KRT78: variants seen among roughly 807,000 people sequenced by gnomAD.
The protein encoded by KRT78 is keratin, type II cytoskeletal 78.
KRT78 carries 55 observed loss-of-function variants against 51.4 expected under a neutral mutation model. That is an observed-to-expected ratio of 1.07 (90% CI 0.86 to 1.34). The LOEUF is 1.34. KRT78 is among the 40% of genes most tolerant of loss of function. The pLI is 0.00. For missense variants in KRT78, 652 were observed against 649.4 expected, an observed-to-expected ratio of 1.00 and a Z score of -0.04; for synonymous variants, 291 against 264.3, an observed-to-expected ratio of 1.10 and a Z score of -0.98.
chr12:52,848,299 G>A (rs1337383548), intron 1 of KRT78, 178 bp from the exon 2 acceptor site: 3 of 1,535,072 alleles, frequency 2.0e-6, no homozygotes, highest in African/African-American at 1.4e-5. Flanking sequence ...AAAATGACTG[G>A]ACTGACTAAT....
In KRT78 at chr12:52,839,288, C is replaced by T; in HGVS notation, c.1388G>A (p.Ser463Asn). ...AATGCTGGTGCAGCAGGACCCAGGGCTGCCTTTCCCACTACCGAGTCCACA... is the reference window on the plus strand; with the variant it reads ...AATGCTGGTGCAGCAGGACCCAGGGTTGCCTTTCCCACTACCGAGTCCACA... ...STCGLGSGKG[S>N]PGSCCTSIVT... Residue 463 changes from serine (S) to asparagine (N), a missense_variant, in exon 9 of 9, where the codon AGC becomes AAC. Ser to Asn is a conservative substitution (Grantham distance 46, BLOSUM62 1). Coordinates refer to ENST00000304620, the MANE Select transcript of KRT78 (RefSeq NM_173352.4). 6.2e-7 allele frequency: 1 copy of T among 1,613,362 alleles called. No homozygotes were observed. Among genetic ancestry groups the T allele is most frequent in the South Asian group, 1.1e-5 (1 of 90,872 alleles).
Position 52,848,079 on chromosome 12 carries a change from A to C in KRT78, c.427T>G (p.Trp143Gly). The change falls in exon 2 of 9, where the codon TGG (tryptophan) becomes GGG (glycine). Residue 143 changes from tryptophan to glycine, a missense_variant. Trp to Gly is a radical substitution (Grantham distance 184, BLOSUM62 -2). Coordinates refer to ENST00000304620, the MANE Select transcript of KRT78 (RefSeq NM_173352.4). Reference sequence around the variant, plus strand: ...AACCCCTGTTGCTGCAGCAGATGCCACTTCGTCTCCAGGACCTTGTTCTGC... The same window carrying C: ...AACCCCTGTTGCTGCAGCAGATGCCCCTTCGTCTCCAGGACCTTGTTCTGC... ...EQQNKVLETK[W>G]HLLQQQGLSG... is the part of the protein sequence containing the mutation. The C allele has an allele frequency of 6.2e-7, 1 of 1,614,154 alleles. No individual in the cohort carries two copies. Among genetic ancestry groups the C allele is most frequent in the Middle Eastern group, 1.6e-4 (1 of 6,062 alleles).
chr12:52,848,897 AG>A lies in KRT78; in HGVS notation c.33del (p.Phe12SerfsTer75). 6.3e-7 allele frequency: 1 copy of A among 1,589,260 alleles called. No homozygotes were observed. Among genetic ancestry groups the A allele is most frequent in the Non-Finnish European group, 8.6e-7 (1 of 1,168,984 alleles). On this transcript the variant is annotated frameshift_variant, in exon 1 of 9. Coordinates refer to ENST00000304620, the MANE Select transcript of KRT78 (RefSeq NM_173352.4). LOFTEE classifies it high-confidence loss of function. Reference protein sequence around the residue: MSLSPCRAQRGFSARSACSAR... With the variant: MSLSPCRAQRXFSARSACSAR... Reference sequence around the variant, plus strand: ...GCAGAACAGGCTGAGCGAGCGCTGAAGCCCCTCTGGGCCCGGCATGGGGAGA... The same window carrying A: ...GCAGAACAGGCTGAGCGAGCGCTGAACCCCTCTGGGCCCGGCATGGGGAGA...
At position 52,846,279 on chromosome 12, in the gene KRT78, AC is replaced by A; in HGVS notation, c.673del (p.Val225PhefsTer3). 5 of 1,611,366 alleles carry A rather than the reference AC, an allele frequency of 3.1e-6. No homozygotes were observed. Among genetic ancestry groups the A allele is most frequent in the Non-Finnish European group, 4.2e-6 (5 of 1,177,878 alleles). On this transcript the variant is annotated frameshift_variant, in exon 4 of 9. Transcript: ENST00000304620. LOFTEE classifies it high-confidence loss of function. ...FVVLKKDVDGVFLSKMELEGK... is the reference protein window; with the variant it reads ...FVVLKKDVDGXFLSKMELEGK... ...CTCCAACTCCATCTTGCTCAGGAAA[AC>A]CCCATCCACATCCTGGAGACAAGGG...
At chr12:52,843,688 C>CAAAAAA (rs1158055717) in intron 6 of KRT78, among the ~76,000 whole-genome samples, 3,368 of 62,112 alleles carry the variant, frequency 0.054, 171 homozygotes, top group African/African-American at 0.14. Context: ...GACTCTGTCT[C>CAAAAAA]AAAAAAAAAA....
At position 52,839,052 on chromosome 12, in the gene KRT78, G is replaced by C; in HGVS notation, c.*61C>G. 2 of 1,567,812 alleles carry C rather than the reference G, an allele frequency of 1.3e-6. No individual in the cohort carries two copies. Among genetic ancestry groups the C allele is most frequent in the Middle Eastern group, 1.9e-4 (1 of 5,226 alleles). On this transcript the variant is annotated 3_prime_UTR_variant, in exon 9 of 9. Coordinates refer to ENST00000304620, the MANE Select transcript of KRT78 (RefSeq NM_173352.4). ...CAGCGGACACGGAGTTGGCCTTGCA[G>C]AGCCGGCTGATGGGGGGAGTGGGCC...
intron 6 of KRT78, among the ~76,000 whole-genome samples, chr12:52,843,372 AAGAG>A (rs1359199552): frequency 6.2e-5 from 8 of 130,060 alleles, no homozygotes; most frequent in African/African-American, 1.7e-4. Flanking sequence ...TCTCAAAAAA[AAGAG>A]AGAGAGAGAG....
chr12:52,839,672 C>T, intron 7 of KRT78, 92 bp downstream of exon 7: 2 of 1,386,176 alleles, frequency 1.4e-6, no homozygotes. Context: ...CAGGAAATCT[C>T]TCAGAATCCT....
intron 6 of KRT78, among the ~76,000 whole-genome samples, chr12:52,842,959 G>GAGAGGAAGGA (rs1299063277): frequency 1.9e-5 from 1 of 53,722 alleles, no homozygotes; most frequent in Non-Finnish European, 3.2e-5. Context: ...GAGAGAGAGA[G>GAGAGGAAGGA]AGGAAGGAAG....
chr12:52,842,201 T>C (rs928030501), intron 6 of KRT78, among the ~76,000 whole-genome samples: 19 of 151,952 alleles, frequency 1.3e-4, no homozygotes, highest in African/African-American at 4.6e-4. Context: ...AGGGCTCTGC[T>C]TGGGAGTCAA....
intron 4 of KRT78, among the ~76,000 whole-genome samples, chr12:52,845,386 C>A (rs539493046): frequency 6.6e-6 from 1 of 152,262 alleles, no homozygotes; most frequent in South Asian, 2.1e-4. Flanking sequence ...TTTCCTCAGA[C>A]AGCACACTCC....
rs775890709 is a variant in KRT78, at chr12:52,848,692, G to A, written c.239C>T (p.Pro80Leu). Residue 80 changes from proline to leucine, a missense_variant, in exon 1 of 9, where the codon CCG becomes CTG. Physicochemically the swap from Pro to Leu is moderately conservative, Grantham distance 98. Coordinates refer to ENST00000304620, the MANE Select transcript of KRT78 (RefSeq NM_173352.4). Reference sequence around the variant, plus strand: ...GATGGTCACTTCTTGGATGCCCCCCGGAGGGCACAGGGAGAGCCCAGGCCC... The same window carrying A: ...GATGGTCACTTCTTGGATGCCCCCCAGAGGGCACAGGGAGAGCCCAGGCCC... ...SGGPGLSLCP[P>L]GGIQEVTINQ... 56 of 1,612,470 alleles carry A rather than the reference G, an allele frequency of 3.5e-5. No homozygotes were observed. Among genetic ancestry groups the A allele is most frequent in the Admixed American group, 1.0e-4 (6 of 59,806 alleles).
rs141568314 is a variant in KRT78 at position 52,848,509 on chromosome 12, A to C, written c.384+38T>G. The C allele has an allele frequency of 6.5e-3, 10,390 of 1,605,346 alleles. 79 individuals are homozygous for C. The highest frequency in any genetic ancestry group is 6.3e-3 in the Non-Finnish European group (7,466 of 1,176,528). ...CCATCAAGAGCAGCTCCTCCAAGGG[A>C]GGCACAGAGACAGGGGCTTGGCTGA... On this transcript the variant is annotated intron_variant, in intron 1 of 8. Transcript: ENST00000304620.
chr12:52,839,733 A>T (rs111548263), intron 7 of KRT78, 31 bp downstream of exon 7: 180 of 1,596,770 alleles, frequency 1.1e-4, no homozygotes, highest in Admixed American at 3.3e-4. Context: ...CCCCAAACTC[A>T]TATTCCCAGG....
At position 52,844,225 on chromosome 12, in the gene KRT78, G is replaced by A. The variant is rs750276417; in HGVS notation, c.922-7C>T. The A allele has an allele frequency of 5.7e-6, 9 of 1,582,526 alleles. No individual in the cohort carries two copies. Among genetic ancestry groups the A allele is most frequent in the Non-Finnish European group, 7.7e-6 (9 of 1,170,454 alleles). On this transcript the variant is annotated splice_region_variant and splice_polypyrimidine_tract_variant and intron_variant, in intron 5 of 8. Coordinates refer to ENST00000304620, the MANE Select transcript of KRT78 (RefSeq NM_173352.4). ...ACACCTGAAGTTCCTGGTACTGAGA[G>A]GGGAACAGAGGGGACACCATTAGTT...
At chr12:52,845,695 C>T (rs1940623803) in intron 4 of KRT78, among the ~76,000 whole-genome samples, 3 of 152,188 alleles carry the variant, frequency 2.0e-5, no homozygotes, top group African/African-American at 7.2e-5. Context: ...GTGGCTCATG[C>T]CTGTAATCCC....
intron 6 of KRT78, among the ~76,000 whole-genome samples, chr12:52,842,992 AGGAAGGAAGGAAGGAAGGAG>A (rs1940542802): frequency 1.1e-5 from 1 of 88,042 alleles, no homozygotes; most frequent in Non-Finnish European, 2.2e-5. Flanking sequence ...GAAGGAAGGA[AGGAAGGAAGGAAGGAAGGAG>A]GGAGGGAGGG....
intron 4 of KRT78, 66 bp downstream of exon 4, chr12:52,846,131 G>T: frequency 9.0e-7 from 1 of 1,112,518 alleles, no homozygotes; most frequent in Non-Finnish European, 1.4e-6. Context: ...TCTCCTCATG[G>T]CCACAGGAAG....
In KRT78 at chr12:52,838,763, G is replaced by A. The variant is rs183433015; in HGVS notation, c.*350C>T. ...ACAGCTAAAACATCAGTGGAGTTGT[G>A]GGAGATGGAGGGCACCCCAAGGAAC... On this transcript the variant is annotated 3_prime_UTR_variant, in exon 9 of 9. Coordinates refer to ENST00000304620, the MANE Select transcript of KRT78 (RefSeq NM_173352.4). 3.2e-3 allele frequency: 979 copies of A among 301,988 alleles called. 4 individuals carry two copies. The highest frequency in any genetic ancestry group is 5.1e-3 in the Non-Finnish European group (829 of 161,486). The allele number at this position is 301,988 out of a possible 1,614,324, so 18.7% of individuals were successfully genotyped here.
Sources: allele counts gnomAD v4.1 joint callset (sites outside exome capture counted in the v4.1 genomes callset), GRCh38; gene constraint gnomAD v4.1.1; transcripts MANE v1.5; gene names NCBI Gene and HGNC (gene_info 2026-07-23, HGNC 2026-07-21).